MACF1: variants seen among roughly 807,000 people sequenced by gnomAD.
The protein encoded by MACF1 is microtubule actin crosslinking factor 1.
In MACF1, 193 loss-of-function variants were observed where a neutral mutation model predicts 854.8. The ratio of observed to expected loss-of-function variants is 0.23; its 90% CI spans 0.20 to 0.25. MACF1 has a LOEUF of 0.25. Ranked by LOEUF, MACF1 falls within the 10% of genes least tolerant of loss-of-function variation. MACF1 has a pLI of 1.00. For synonymous variants in MACF1, 3,185 were observed against 3,226.7 expected (o/e 0.99, Z 0.44); for missense variants, 7,722 against 8,929.1 (o/e 0.86, Z 5.45).
intron 20 of MACF1, among the ~76,000 whole-genome samples, chr1:39,296,146 C>G (rs976183467): frequency 1.3e-5 from 2 of 152,174 alleles, no homozygotes; most frequent in Admixed American, 6.5e-5. Context: ...TGGCATTGCT[C>G]ATGTCTGAGA....
intron 97 of MACF1, among the ~76,000 whole-genome samples, chr1:39,473,520 G>C (rs1644816992): frequency 6.6e-6 from 1 of 152,166 alleles, no homozygotes; most frequent in Non-Finnish European, 1.5e-5. Context: ...ATTTGCATTT[G>C]TTTCTGCTGT....
rs773528202 is a variant in MACF1 at position 39,332,426 on chromosome 1, A to G, written c.5838A>G (p.Leu1946=). Residue 1946 remains leucine, a synonymous_variant, in exon 37 of 101, where the codon CTA becomes CTG. Coordinates refer to ENST00000564288, the MANE Select transcript of MACF1 (RefSeq NM_001394062.1). ...ATATTAATCCTGGAGCAGCAGTTCT[A>G]CCGTGCAGCAAGAGCCACCCTAAGG... ...EQNINPGAAV[L]PCSKSHPKAT... is the part of the protein sequence containing the mutation. The G allele has an allele frequency of 1.2e-6, 2 of 1,613,940 alleles. No homozygotes were observed. The highest frequency in any genetic ancestry group is 1.7e-6 in the Non-Finnish European group (2 of 1,180,036).
At chr1:39,443,167 T>G (rs1644153870) in intron 78 of MACF1, among the ~76,000 whole-genome samples, 1 of 152,224 alleles carries the variant, frequency 6.6e-6, no homozygotes. Flanking sequence ...CTTTTTTTCT[T>G]GGATCAAGTC....
At position 39,093,482 on chromosome 1, in the gene MACF1, A is replaced by ATT. The variant is rs35211687; in HGVS notation, c.220+9065_220+9066dup. 3.6e-3 allele frequency among the ~76,000 whole-genome samples: 374 copies of ATT among 104,242 alleles called. 4 individuals are homozygous for ATT. The highest frequency in any genetic ancestry group is 5.0e-3 in the Non-Finnish European group (261 of 52,258). The allele number at this position is 104,242 out of a possible 152,430, so 68.4% of individuals were successfully genotyped here. A position where few individuals can be genotyped will look rare whatever the true frequency, so the allele number is the denominator to read the frequency against. ...ATGTGCGCGCCACCACGCCTGGCTA[A>ATT]TTTTTTTTTTTTTTTTTTTTTTGAG... On this transcript the variant is annotated intron_variant, in intron 2 of 93. Coordinates refer to the MACF1 transcript ENST00000361689.
chr1:39,277,917 C>T (rs1645468364), intron 6 of MACF1, among the ~76,000 whole-genome samples: 1 of 152,146 alleles, frequency 6.6e-6, no homozygotes, highest in Non-Finnish European at 1.5e-5. Context: ...TCTTGTTCTT[C>T]TCCATGGTGC....
intron 5 of MACF1, among the ~76,000 whole-genome samples, chr1:39,255,770 C>T (rs1464326137): frequency 6.6e-6 from 1 of 152,136 alleles, no homozygotes. Flanking sequence ...GTGGAGGTTG[C>T]TGAAGTGTTT....
intron 58 of MACF1, among the ~76,000 whole-genome samples, chr1:39,408,293 G>A (rs1642794122): frequency 6.6e-6 from 1 of 152,334 alleles, no homozygotes; most frequent in African/African-American, 2.4e-5. Context: ...CTTGAGAAGG[G>A]GGAGAGGGAA....
intron 20 of MACF1, 98 bp from the exon 21 acceptor site, chr1:39,297,522 T>C: frequency 1.4e-6 from 2 of 1,437,236 alleles, no homozygotes; most frequent in Non-Finnish European, 1.9e-6. Flanking sequence ...TGTAATCAGC[T>C]TTGCTAAGCT....
Position 39,335,010 on chromosome 1 carries a change from G to A in MACF1, c.8422G>A (p.Val2808Ile). Residue 2808 changes from valine (V) to isoleucine (I), a missense_variant, in exon 37 of 101, where the codon GTA becomes ATA. By Grantham distance (29) the Val-to-Ile change is conservative (BLOSUM62 3). Coordinates refer to ENST00000564288, the MANE Select transcript of MACF1 (RefSeq NM_001394062.1). ...NQTAEMSCNK[V>I]EESERLFQVE... ...GACTGCTGAAATGAGTTGTAATAAA[G>A]TAGAAGAGAGTGAGAGATTATTTCA... 1 of 1,614,064 alleles carries A rather than the reference G, an allele frequency of 6.2e-7. No individual in the cohort carries two copies. The highest frequency in any genetic ancestry group is 8.5e-7 in the Non-Finnish European group (1 of 1,179,962).
chr1:39,329,903 T>C (rs1352858447), intron 36 of MACF1, among the ~76,000 whole-genome samples: 1 of 152,210 alleles, frequency 6.6e-6, no homozygotes, highest in Non-Finnish European at 1.5e-5. Flanking sequence ...TGTACTTGTC[T>C]TTTACAGTTT....
At chr1:39,411,694 G>A (rs1464695353) in intron 58 of MACF1, 14 of 1,613,752 alleles carry the variant, frequency 8.7e-6, no homozygotes, top group Non-Finnish European at 1.2e-5. Context: ...GTGTTTATGT[G>A]AAGAAGGAGT....
At chr1:39,209,219 TAA>T (rs111250963) in intron 1 of MACF1, among the ~76,000 whole-genome samples, 2 of 140,062 alleles carry the variant, frequency 1.4e-5, no homozygotes, top group Non-Finnish European at 1.6e-5. Context: ...AAACTCCATC[TAA>T]AAAAAAAAAA....
chr1:39,393,193 AAAAATATATAT>A (rs1642112838), intron 58 of MACF1, among the ~76,000 whole-genome samples: 1 of 103,836 alleles, frequency 9.6e-6, no homozygotes, highest in South Asian at 2.7e-4. Context: ...AAAAAAAAAA[AAAAATATATAT>A]ATATATATAT....
At chr1:39,326,541 T>A (rs1319841492) in intron 35 of MACF1, among the ~76,000 whole-genome samples, 1 of 151,500 alleles carries the variant, frequency 6.6e-6, no homozygotes, top group Non-Finnish European at 1.5e-5. Flanking sequence ...ATTAGCTGGG[T>A]GTGGTGGCGG....
At chr1:39,208,229 C>T (rs1644475895) in intron 1 of MACF1, among the ~76,000 whole-genome samples, 1 of 150,858 alleles carries the variant, frequency 6.6e-6, no homozygotes, top group Admixed American at 6.6e-5. Context: ...CTATCTTGGC[C>T]TTATAAGCAT....
Position 39,452,708 on chromosome 1 carries a change from C to G in MACF1, c.20638C>G (p.His6880Asp). ...GGCGGAAGTGTTTCGAGACACAGTC[C>G]ACATGCTGTTGGAGTGGCTTTCTGA... ...KQAEVFRDTV[H>D]MLLEWLSEAE... The change falls in exon 87 of 101, where the codon CAC (histidine) becomes GAC (aspartate). Residue 6880 changes from histidine (H) to aspartate (D), a missense_variant. This residue lies in a region of MACF1 where 729 missense variants were observed against 900.5 expected (regional missense o/e 0.81). Transcript: ENST00000564288. The G allele has an allele frequency of 6.2e-7, 1 of 1,613,446 alleles. No homozygotes were observed. Among genetic ancestry groups the G allele is most frequent in the Non-Finnish European group, 8.5e-7 (1 of 1,180,006 alleles).
intron 2 of MACF1, among the ~76,000 whole-genome samples, chr1:39,114,427 G>A (rs1383641086): frequency 6.6e-6 from 1 of 151,960 alleles, no homozygotes; most frequent in African/African-American, 2.4e-5. Flanking sequence ...AGTGTAAAAA[G>A]TCCCTAGATT....
At chr1:39,383,143 G>A (rs1650393901) in intron 56 of MACF1, among the ~76,000 whole-genome samples, 1 of 152,074 alleles carries the variant, frequency 6.6e-6, no homozygotes, top group South Asian at 2.1e-4. Context: ...ATTTAGGTTG[G>A]TCAAAATTAT....
Position 39,105,446 on chromosome 1 carries a change from G to A in MACF1, c.220+21008G>A. On this transcript the variant is annotated intron_variant, in intron 2 of 93. Transcript: ENST00000361689. The surrounding 1 kb of genome is among the most constrained non-coding windows in gnomAD (Gnocchi z 5.9). ...AGCGCGAGCGGGCCGGGTGCGAGCG[G>A]ACTGAGGAGCGGAGCGCGACTGCCG... 1 of 1,001,276 alleles carries A rather than the reference G, an allele frequency of 1.0e-6. No individual in the cohort carries two copies. Among genetic ancestry groups the A allele is most frequent in the Non-Finnish European group, 1.2e-6 (1 of 842,212 alleles). The allele number at this position is 1,001,276 out of a possible 1,614,324, so 62.0% of individuals were successfully genotyped here.
Sources: gnomAD v4.1 joint callset for allele counts (sites outside exome capture counted in the v4.1 genomes callset) on GRCh38, gnomAD v4.1.1 for gene constraint, gnomAD v4.1.1 regional missense constraint, Gnocchi (gnomAD v3.1) non-coding constraint, MANE v1.5 for transcripts, NCBI Gene and HGNC (gene_info 2026-07-23, HGNC 2026-07-21) for gene names.